RANBP17: variants seen among roughly 807,000 people sequenced by gnomAD.
RANBP17 encodes the protein ran-binding protein 17.
In RANBP17, 158 loss-of-function variants were observed where a neutral mutation model predicts 141.2. That is an observed-to-expected ratio of 1.12 (90% confidence interval 0.98 to 1.28). The LOEUF (loss-of-function observed/expected upper bound fraction) is 1.28. Among genes scored for constraint, RANBP17 ranks in the 50% most tolerant of loss-of-function variants. The pLI, the probability that RANBP17 is intolerant of heterozygous loss-of-function variation, is 0.00. For missense variants in RANBP17, 1,438 were observed against 1,290.7 expected (o/e 1.11, Z -1.75); for synonymous variants, 430 against 450.0 (o/e 0.96, Z 0.56).
chr5:171,171,237 G>A lies in RANBP17; in HGVS notation c.1816G>A (p.Glu606Lys), dbSNP rs1169338964. 1.3e-6 allele frequency: 2 copies of A among 1,597,350 alleles called. No homozygotes were observed. The highest frequency in any genetic ancestry group is 1.7e-5 in the Admixed American group (1 of 58,524). The change falls in exon 16 of 28, where the codon GAG becomes AAG. Residue 606 changes from glutamate (E) to lysine (K), a missense_variant. Physicochemically the swap from Glu to Lys is moderately conservative, Grantham distance 56 (BLOSUM62 1). Coordinates refer to ENST00000523189, the MANE Select transcript of RANBP17 (RefSeq NM_022897.5). ...AAACCTTAAATACTGGGGAAGATAT[G>A]AGCCTGTAATTTCAAGGACTCTTCA... is the stretch of plus-strand genomic sequence containing the variant. ...VTNLKYWGRY[E>K]PVISRTLQFL... is the part of the protein sequence containing the mutation.
At chr5:171,288,719 C>T (rs1343956142) in intron 25 of RANBP17, among the ~76,000 whole-genome samples, 3 of 152,210 alleles carry the variant, frequency 2.0e-5, no homozygotes, top group Admixed American at 6.5e-5. Flanking sequence ...CCAGAAGATG[C>T]TCCATAAATG....
At chr5:171,000,835 A>G (rs1341918215) in intron 14 of RANBP17, among the ~76,000 whole-genome samples, 1 of 152,188 alleles carries the variant, frequency 6.6e-6, no homozygotes, top group Non-Finnish European at 1.5e-5. Context: ...GGGGAGAATT[A>G]CAAAGAACCT....
chr5:171,138,730 G>A (rs1344212230), intron 14 of RANBP17, among the ~76,000 whole-genome samples: 1 of 152,000 alleles, frequency 6.6e-6, no homozygotes. Context: ...CTAAATGGAT[G>A]GTATATAGGA....
At position 171,265,691 on chromosome 5, in the gene RANBP17, C is replaced by G; in HGVS notation, c.2787C>G (p.Val929=). The change falls in exon 25 of 28, where the codon GTC becomes GTG. Residue 929 remains valine (V), a synonymous_variant. Coordinates refer to ENST00000523189, the MANE Select transcript of RANBP17 (RefSeq NM_022897.5). Reference sequence around the variant, plus strand: ...TTACTATTTGTACAGATACAGTTGTCTCCTCCAGCTGCTGTACCAGTTTAG... The same window carrying G: ...TTACTATTTGTACAGATACAGTTGTGTCCTCCAGCTGCTGTACCAGTTTAG... ...SEGLTTLDTV[V]SSSCCTSLDY... The G allele has an allele frequency of 1.2e-6, 2 of 1,611,826 alleles. No homozygotes were observed. The highest frequency in any genetic ancestry group is 2.2e-5 in the East Asian group (1 of 44,872).
intron 14 of RANBP17, among the ~76,000 whole-genome samples, chr5:171,100,388 A>G (rs966277610): frequency 1.3e-5 from 2 of 152,158 alleles, no homozygotes; most frequent in African/African-American, 4.8e-5. Flanking sequence ...TTATTTGCAT[A>G]CAGGTGTTTA....
Position 171,000,316 on chromosome 5 carries a change from A to G in RANBP17, c.1710+31939A>G, listed in dbSNP as rs2127576097. Among the ~76,000 whole-genome samples the G allele has an allele frequency of 2.6e-5, 4 of 152,276 alleles. No homozygotes were observed. The South Asian group carries it at 8.3e-4, about 32-fold the overall frequency. On this transcript the variant is annotated intron_variant, in intron 14 of 27. Coordinates refer to ENST00000523189, the MANE Select transcript of RANBP17 (RefSeq NM_022897.5). ...GAGGAACCTCCATGCTCTTTTCTAC[A>G]GCAGTTGTACCACTTAATATTTCCA...
At chr5:171,003,462 G>A (rs1779365451) in intron 14 of RANBP17, among the ~76,000 whole-genome samples, 1 of 152,190 alleles carries the variant, frequency 6.6e-6, no homozygotes, top group Non-Finnish European at 1.5e-5. Flanking sequence ...AAGGGGTTGG[G>A]GTTTGAGAGA....
chr5:171,069,916 C>T (rs1449009223), intron 14 of RANBP17, among the ~76,000 whole-genome samples: 2 of 152,108 alleles, frequency 1.3e-5, no homozygotes, highest in Non-Finnish European at 2.9e-5. Flanking sequence ...TGAAATCTAA[C>T]CTTCTAAAAA....
chr5:171,241,076 C>G lies in RANBP17; in HGVS notation c.2571C>G (p.Asn857Lys), dbSNP rs368406301. The part of the protein sequence containing the change: ...SFGVFKLYGD[N>K]HFDNVLQAFV... ...GCGTCTTCAAGTTGTATGGGGACAA[C>G]CATTTTGACAATGTACTCCAGGCTT... Residue 857 changes from asparagine to lysine, a missense_variant, in exon 23 of 28, where the codon AAC (asparagine) becomes AAG (lysine). By Grantham distance (94) the Asn-to-Lys change is moderately conservative (BLOSUM62 0). Coordinates refer to ENST00000523189, the MANE Select transcript of RANBP17 (RefSeq NM_022897.5). The G allele has an allele frequency of 1.2e-6, 2 of 1,613,834 alleles. No individual in the cohort carries two copies. Among genetic ancestry groups the G allele is most frequent in the Admixed American group, 1.7e-5 (1 of 59,986 alleles).
intron 14 of RANBP17, among the ~76,000 whole-genome samples, chr5:171,054,996 G>A (rs562119239): frequency 6.6e-6 from 1 of 152,244 alleles, no homozygotes; most frequent in Admixed American, 6.5e-5. Context: ...GGTGGTATCT[G>A]GAAGACTAAT....
intron 14 of RANBP17, among the ~76,000 whole-genome samples, chr5:171,160,429 A>T (rs879506389): frequency 7.2e-5 from 11 of 152,154 alleles, no homozygotes; most frequent in Admixed American, 3.9e-4. Context: ...ACTTATGAAA[A>T]TTTTACTGTA....
At chr5:171,066,611 A>G (rs769885642) in intron 14 of RANBP17, among the ~76,000 whole-genome samples, 1 of 152,222 alleles carries the variant, frequency 6.6e-6, no homozygotes, top group Non-Finnish European at 1.5e-5. Flanking sequence ...GTCTGTTCCA[A>G]ATAATGCTGC....
At chr5:171,275,253 A>T (rs1289284476) in intron 25 of RANBP17, among the ~76,000 whole-genome samples, 1 of 152,246 alleles carries the variant, frequency 6.6e-6, no homozygotes, top group African/African-American at 2.4e-5. Flanking sequence ...TAATTTTTTT[A>T]ATGAAGGAAA....
At chr5:171,005,901 A>G in intron 14 of RANBP17, among the ~76,000 whole-genome samples, 1 of 152,190 alleles carries the variant, frequency 6.6e-6, no homozygotes, top group Admixed American at 6.5e-5. Context: ...TTTACAAGAA[A>G]AAAAACAAAC....
chr5:171,212,225 C>T (rs1762938029), intron 20 of RANBP17, among the ~76,000 whole-genome samples: 1 of 152,174 alleles, frequency 6.6e-6, no homozygotes, highest in African/African-American at 2.4e-5. Flanking sequence ...GGTCTCTGCT[C>T]TTTAGAAATG....
At chr5:171,192,797 G>T (rs1412290153) in intron 18 of RANBP17, among the ~76,000 whole-genome samples, 1 of 152,212 alleles carries the variant, frequency 6.6e-6, no homozygotes, top group Non-Finnish European at 1.5e-5. Context: ...TTATTTTCCT[G>T]TGGAAGTAAG....
intron 14 of RANBP17, among the ~76,000 whole-genome samples, chr5:171,154,100 T>G (rs1052871063): frequency 0.022 from 350 of 15,808 alleles, 2 homozygotes; most frequent in African/African-American, 0.064. Flanking sequence ...TCACTTTAGT[T>G]TTTTTTTTTT....
chr5:171,155,092 A>ATATATATAT (rs1171011154), intron 14 of RANBP17, among the ~76,000 whole-genome samples: 2 of 91,232 alleles, frequency 2.2e-5, no homozygotes, highest in Non-Finnish European at 4.5e-5. Flanking sequence ...AAAAAAAAAA[A>ATATATATAT]AAATATATAT....
intron 10 of RANBP17, 35 bp downstream of exon 10, chr5:170,918,894 C>T (rs752240680): frequency 2.8e-6 from 4 of 1,415,754 alleles, no homozygotes; most frequent in Non-Finnish European, 2.8e-6. Context: ...TAAACTGTAG[C>T]CAGTTTTAAA....
Sources: allele counts gnomAD v4.1 joint callset (sites outside exome capture counted in the v4.1 genomes callset), GRCh38; gene constraint gnomAD v4.1.1; transcripts MANE v1.5; gene names NCBI Gene and HGNC (gene_info 2026-07-23, HGNC 2026-07-21).